The following CREB5 variants were observed in gnomAD, a reference collection of about 807,000 sequenced individuals.
CREB5 encodes cAMP responsive element binding protein 5, also known as cyclic AMP-responsive element-binding protein 5.
CREB5 carries 19 observed loss-of-function variants against 57.1 expected under a neutral mutation model. The observed-to-expected ratio is 0.33, with a 90% CI of 0.23 to 0.49. The LOEUF (loss-of-function observed/expected upper bound fraction) is 0.49, where lower values mean the gene tolerates loss of function less well. CREB5 is among the 20% of genes least tolerant of loss of function. The probability of loss-of-function intolerance (pLI) is 0.99; values close to 1 mark genes in which losing one functional copy is unlikely to be tolerated. For synonymous variants in CREB5, 238 were observed against 238.3 expected (o/e 1.00, Z 0.01); for missense variants, 579 against 671.6 (o/e 0.86, Z 1.52).
intron 3 of CREB5, among the ~76,000 whole-genome samples, chr7:28,501,497 G>A (rs552453905): frequency 6.6e-6 from 1 of 152,324 alleles, no homozygotes; most frequent in South Asian, 2.1e-4. Flanking sequence ...TTGCTCTGCA[G>A]TATTCTTTTT....
At chr7:28,369,475 C>T (rs1428794633) in intron 1 of CREB5, among the ~76,000 whole-genome samples, 1 of 106,992 alleles carries the variant, frequency 9.3e-6, no homozygotes, top group Non-Finnish European at 2.5e-5. Flanking sequence ...GTGGGCAAGT[C>T]ACATCATTCT....
intron 1 of CREB5, among the ~76,000 whole-genome samples, chr7:28,418,585 C>T (rs940152772): frequency 4.6e-5 from 7 of 152,202 alleles, no homozygotes; most frequent in Non-Finnish European, 8.8e-5. Flanking sequence ...ACCATATCGC[C>T]TTTAAAGCAT....
intron 1 of CREB5, among the ~76,000 whole-genome samples, chr7:28,472,482 A>G (rs963126434): frequency 6.6e-6 from 1 of 152,220 alleles, no homozygotes; most frequent in African/African-American, 2.4e-5. Flanking sequence ...TTTGACCTCA[A>G]GCTGCAACTA....
intron 5 of CREB5, among the ~76,000 whole-genome samples, chr7:28,594,412 G>A (rs150479951): frequency 5.9e-4 from 90 of 152,268 alleles, no homozygotes; most frequent in Middle Eastern, 3.4e-3. Flanking sequence ...AAGGATTACA[G>A]CCCACTTAAC....
chr7:28,783,384 CTATAA>C (rs1232419812), intron 7 of CREB5, among the ~76,000 whole-genome samples: 1 of 152,066 alleles, frequency 6.6e-6, no homozygotes, highest in Non-Finnish European at 1.5e-5. Context: ...GTCACTTATT[CTATAA>C]TAAATTCTGC....
intron 1 of CREB5, among the ~76,000 whole-genome samples, chr7:28,446,195 G>A (rs1406268661): frequency 1.3e-5 from 2 of 151,980 alleles, no homozygotes; most frequent in East Asian, 3.9e-4. Flanking sequence ...TGTTTGTTTT[G>A]GGTCCCCCCA....
chr7:28,548,664 C>T (rs1332013682), intron 4 of CREB5, among the ~76,000 whole-genome samples: 1 of 152,190 alleles, frequency 6.6e-6, no homozygotes, highest in Non-Finnish European at 1.5e-5. Flanking sequence ...CCATTGGAAT[C>T]TCTACTGACC....
In CREB5 at chr7:28,427,825, C is replaced by T. The variant is rs1305721870; in HGVS notation, c.3+14908C>T. Reference sequence around the variant, plus strand: ...TTATAATATTATACAAAAGGACTTCCGGAGATGGCTATGTGATAACCCAGC... The same window carrying T: ...TTATAATATTATACAAAAGGACTTCTGGAGATGGCTATGTGATAACCCAGC... On this transcript the variant is annotated intron_variant, in intron 1 of 10. Transcript: ENST00000357727. Among the ~76,000 whole-genome samples, 7 of 152,100 alleles carry T rather than the reference C, an allele frequency of 4.6e-5. No homozygotes were observed. In the East Asian group the frequency reaches 5.8e-4, roughly 13 times the overall value.
rs555387463 is a variant in CREB5 at position 28,682,569 on chromosome 7, C to G, written c.465-36184C>G. On this transcript the variant is annotated intron_variant, in intron 5 of 10. Transcript: ENST00000357727. ...ACAGCTTATTTAACTCTGAAATTAT[C>G]TGGCCCCTCAAACTCCACCGGGACT... is the stretch of plus-strand genomic sequence containing the variant. Among the ~76,000 whole-genome samples the G allele has an allele frequency of 6.6e-5, 10 of 152,170 alleles. No individual in the cohort carries two copies. In the East Asian group the frequency reaches 1.9e-3, roughly 29 times the overall value.
At chr7:28,806,068 T>C (rs1033092644) in intron 8 of CREB5, among the ~76,000 whole-genome samples, 19 of 152,224 alleles carry the variant, frequency 1.2e-4, no homozygotes, top group African/African-American at 4.6e-4. Flanking sequence ...GTACTTAGTT[T>C]ATAAGGAAAC....
At chr7:28,486,302 T>C (rs1355304795) in intron 1 of CREB5, among the ~76,000 whole-genome samples, 1 of 152,110 alleles carries the variant, frequency 6.6e-6, no homozygotes, top group Admixed American at 6.6e-5. Flanking sequence ...AAAACATTAG[T>C]GTTTGTGGGG....
intron 4 of CREB5, among the ~76,000 whole-genome samples, chr7:28,537,721 A>G (rs1282197096): frequency 6.6e-6 from 1 of 152,248 alleles, no homozygotes; most frequent in Non-Finnish European, 1.5e-5. Context: ...AAAAATAAGA[A>G]CAGGAGTCTG....
At chr7:28,507,027 A>G (rs1196548923) in intron 3 of CREB5, among the ~76,000 whole-genome samples, 1 of 152,218 alleles carries the variant, frequency 6.6e-6, no homozygotes, top group Non-Finnish European at 1.5e-5. Flanking sequence ...TTTTTAAAGG[A>G]TGAAAGCTGA....
At chr7:28,732,720 C>CTTTT (rs35952532) in intron 7 of CREB5, among the ~76,000 whole-genome samples, 15,040 of 131,610 alleles carry the variant, frequency 0.11, 1,166 homozygotes, top group Admixed American at 0.16. Flanking sequence ...CTCTGTCTTG[C>CTTTT]TTTTTTTTTT....
At chr7:28,336,109 C>T (rs763296832) in intron 1 of CREB5, among the ~76,000 whole-genome samples, 54 of 151,878 alleles carry the variant, frequency 3.6e-4, no homozygotes, top group African/African-American at 1.3e-3. Flanking sequence ...AGTATTTTGT[C>T]GAGGATTTTT....
At chr7:28,554,632 A>T (rs973188445) in intron 4 of CREB5, among the ~76,000 whole-genome samples, 2 of 152,264 alleles carry the variant, frequency 1.3e-5, no homozygotes, top group Admixed American at 1.3e-4. Context: ...GTGTAACTCT[A>T]CTGGGCAGCA....
At chr7:28,599,899 C>T (rs1223662235) in intron 5 of CREB5, among the ~76,000 whole-genome samples, 1 of 152,084 alleles carries the variant, frequency 6.6e-6, no homozygotes, top group African/African-American at 2.4e-5. Context: ...TGTGATGTGA[C>T]CTGCATCTAT....
chr7:28,775,000 C>A (rs1806538833), intron 7 of CREB5, among the ~76,000 whole-genome samples: 2 of 152,208 alleles, frequency 1.3e-5, no homozygotes, highest in South Asian at 4.1e-4. Context: ...AGTTTGCAAT[C>A]TCCAAAGGCA....
At chr7:28,734,644 TTAGGA>T (rs1803869535) in intron 7 of CREB5, among the ~76,000 whole-genome samples, 1 of 152,152 alleles carries the variant, frequency 6.6e-6, no homozygotes, top group South Asian at 2.1e-4. Context: ...ACTTAGTTCC[TTAGGA>T]TAGATTTTCA....
Sources: gnomAD v4.1 joint callset for allele counts (sites outside exome capture counted in the v4.1 genomes callset) on GRCh38, gnomAD v4.1.1 for gene constraint, MANE v1.5 for transcripts, NCBI Gene and HGNC (gene_info 2026-07-23, HGNC 2026-07-21) for gene names.